AFAP1: variants seen among roughly 807,000 people sequenced by gnomAD.
The protein encoded by AFAP1 is actin filament-associated protein 1.
In AFAP1, 75 loss-of-function variants were observed where a neutral mutation model predicts 93.9. That is an observed-to-expected ratio of 0.80 (90% CI 0.66 to 0.97). AFAP1 has a LOEUF of 0.97. AFAP1 is among the 50% of genes least tolerant of loss of function. AFAP1 has a pLI of 0.00. For synonymous variants in AFAP1, 517 were observed against 430.7 expected, an observed-to-expected ratio of 1.20 and a Z score of -2.48; for missense variants, 1,201 against 1,050.8, an observed-to-expected ratio of 1.14 and a Z score of -1.98.
At chr4:7,810,753 A>C (rs1719945892) in intron 8 of AFAP1, among the ~76,000 whole-genome samples, 1 of 152,260 alleles carries the variant, frequency 6.6e-6, no homozygotes, top group Non-Finnish European at 1.5e-5. Context: ...GTGGGCAAGC[A>C]ACAGCGGCAG....
chr4:7,797,341 G>A (rs1718527950), intron 10 of AFAP1, among the ~76,000 whole-genome samples: 1 of 152,156 alleles, frequency 6.6e-6, no homozygotes, highest in Non-Finnish European at 1.5e-5. Context: ...ATGAGACTTA[G>A]AGGGGAAAAA....
intron 1 of AFAP1, among the ~76,000 whole-genome samples, chr4:7,900,077 T>C (rs761014415): frequency 2.6e-5 from 4 of 152,174 alleles, no homozygotes; most frequent in Non-Finnish European, 5.9e-5. Flanking sequence ...CAACATGTAT[T>C]TGGCTAGAAA....
chr4:7,767,461 G>C (rs1228717832), intron 17 of AFAP1, among the ~76,000 whole-genome samples: 2 of 152,324 alleles, frequency 1.3e-5, no homozygotes, highest in East Asian at 1.9e-4. Flanking sequence ...TCATTGGGCA[G>C]CTCAATTCTA....
At position 7,800,607 on chromosome 4, in the gene AFAP1, G is replaced by C; in HGVS notation, c.1101C>G (p.Cys367Trp). The C allele has an allele frequency of 6.2e-7, 1 of 1,614,198 alleles. No individual in the cohort carries two copies. Among genetic ancestry groups the C allele is most frequent in the Non-Finnish European group, 8.5e-7 (1 of 1,180,038 alleles). ...AAATGAGCTTGTTATCTTTCACTCG[G>C]CACCAGCGCTCTCGCCAGCGGCTGT... ...LSNSRWRERW[C>W]RVKDNKLIFH... The change falls in exon 10 of 18, where the codon TGC becomes TGG. Residue 367 changes from cysteine (C) to tryptophan (W), a missense_variant. Cys to Trp is a radical substitution (Grantham distance 215). Transcript: ENST00000420658.
intron 5 of AFAP1, among the ~76,000 whole-genome samples, chr4:7,839,987 G>T (rs770361990): frequency 1.6e-4 from 25 of 152,146 alleles, no homozygotes; most frequent in South Asian, 4.1e-4. Flanking sequence ...ACCAAGTGCT[G>T]AATGTCGACA....
intron 4 of AFAP1, among the ~76,000 whole-genome samples, chr4:7,849,777 T>C (rs1714225980): frequency 6.6e-6 from 1 of 152,182 alleles, no homozygotes; most frequent in Admixed American, 6.5e-5. Flanking sequence ...TCTCACATCC[T>C]CACTTTGGCA....
chr4:7,873,730 T>C (rs1205743551), intron 1 of AFAP1, among the ~76,000 whole-genome samples: 1 of 152,162 alleles, frequency 6.6e-6, no homozygotes, highest in Non-Finnish European at 1.5e-5. Context: ...CACAGTCGTC[T>C]AGAGAAAAAT....
chr4:7,838,479 G>A (rs2149105979), intron 6 of AFAP1, 45 bp downstream of exon 6: 2 of 1,559,184 alleles, frequency 1.3e-6, no homozygotes, highest in South Asian at 1.2e-5. Flanking sequence ...ATCTCAGAAA[G>A]GCATGTGGAA....
At chr4:7,832,856 A>G (rs1284383756) in intron 6 of AFAP1, among the ~76,000 whole-genome samples, 2 of 152,180 alleles carry the variant, frequency 1.3e-5, no homozygotes, top group African/African-American at 4.8e-5. Context: ...CCAAATACTT[A>G]CAGTCAACTG....
intron 6 of AFAP1, among the ~76,000 whole-genome samples, chr4:7,822,307 AG>A (rs1721036347): frequency 6.6e-6 from 1 of 152,126 alleles, no homozygotes; most frequent in East Asian, 1.9e-4. Context: ...ATAATACCTC[AG>A]GGGGTCATTG....
rs1381581596 is a variant in AFAP1, at chr4:7,786,285, G to A, written c.1439C>T (p.Ala480Val). Reference sequence around the variant, plus strand: ...GGAGGTGCCCCCTAGATATGGGTTAGCAGATATAACACGCCTGTTCATGAA... The same window carrying A: ...GGAGGTGCCCCCTAGATATGGGTTAACAGATATAACACGCCTGTTCATGAA... ...FCFMNRRVIS[A>V]NPYLGGTSNG... is the part of the protein sequence containing the mutation. The change falls in exon 12 of 18, where the codon GCT becomes GTT. Residue 480 changes from alanine to valine, a missense_variant. Ala to Val is a moderately conservative substitution (Grantham distance 64). Coordinates refer to ENST00000420658, the MANE Select transcript of AFAP1 (RefSeq NM_001134647.2). 6.2e-7 allele frequency: 1 copy of A among 1,614,030 alleles called. No individual in the cohort carries two copies. Among genetic ancestry groups the A allele is most frequent in the East Asian group, 2.2e-5 (1 of 44,898 alleles).
At chr4:7,812,534 C>G (rs1251183930) in intron 8 of AFAP1, among the ~76,000 whole-genome samples, 1 of 152,068 alleles carries the variant, frequency 6.6e-6, no homozygotes, top group Non-Finnish European at 1.5e-5. Context: ...CAACTTGATG[C>G]TATGTATCAA....
chr4:7,834,558 C>T (rs1712049132), intron 6 of AFAP1, among the ~76,000 whole-genome samples: 1 of 152,230 alleles, frequency 6.6e-6, no homozygotes, highest in Non-Finnish European at 1.5e-5. Context: ...ATAGAGGAAG[C>T]ATCTTTCCGA....
At chr4:7,771,658 G>A (rs929212019) in intron 16 of AFAP1, among the ~76,000 whole-genome samples, 2 of 152,194 alleles carry the variant, frequency 1.3e-5, no homozygotes, top group Admixed American at 1.3e-4. Context: ...TCAGGGCCTA[G>A]AGAAGTCAAG....
At position 7,872,757 on chromosome 4, in the gene AFAP1, C is replaced by A. The variant is rs182988169; in HGVS notation, c.-2-677G>T. ...CTCCTTTCAGGGAGCCCACAAGGCC[C>A]GAGGCCCAAACTATTTTCAGAATGC... On this transcript the variant is annotated intron_variant, in intron 1 of 17. Coordinates refer to ENST00000420658, the MANE Select transcript of AFAP1 (RefSeq NM_001134647.2). 6.4e-4 allele frequency among the ~76,000 whole-genome samples: 97 copies of A among 152,090 alleles called. 1 individual carries two copies. The highest frequency in any genetic ancestry group is 2.3e-3 in the African/African-American group (95 of 41,496).
At chr4:7,809,091 G>C (rs1244360248) in intron 9 of AFAP1, among the ~76,000 whole-genome samples, 1 of 151,710 alleles carries the variant, frequency 6.6e-6, no homozygotes, top group Non-Finnish European at 1.5e-5. Flanking sequence ...TTAAGTTTTA[G>C]GGTACATGTG....
At chr4:7,907,648 C>T (rs185394548) in intron 1 of AFAP1, among the ~76,000 whole-genome samples, 81 of 152,178 alleles carry the variant, frequency 5.3e-4, no homozygotes, top group African/African-American at 1.7e-3. Flanking sequence ...GACGTGACGC[C>T]CAATGAAATC....
chr4:7,826,776 C>A (rs967732664), intron 6 of AFAP1, among the ~76,000 whole-genome samples: 1 of 152,178 alleles, frequency 6.6e-6, no homozygotes, highest in Non-Finnish European at 1.5e-5. Context: ...GAGCCAGATA[C>A]AGGCTGCCAG....
At chr4:7,794,545 A>G (rs1718205672) in intron 10 of AFAP1, among the ~76,000 whole-genome samples, 1 of 151,968 alleles carries the variant, frequency 6.6e-6, no homozygotes, top group Non-Finnish European at 1.5e-5. Flanking sequence ...TTTTTGAGAC[A>G]GGGTCTCGCT....
Sources: allele counts gnomAD v4.1 joint callset (sites outside exome capture counted in the v4.1 genomes callset), GRCh38; gene constraint gnomAD v4.1.1; transcripts MANE v1.5; gene names NCBI Gene and HGNC (gene_info 2026-07-23, HGNC 2026-07-21).